XKR6: variants seen among roughly 807,000 people sequenced by gnomAD.
XKR6 encodes XK-related protein 6.
Under a neutral mutation model 56.7 loss-of-function variants are expected in XKR6, and 22 were observed. The ratio of observed to expected loss-of-function variants is 0.39; its 90% CI spans 0.28 to 0.55. The LOEUF is 0.55. Among genes scored for constraint, XKR6 ranks in the 20% least tolerant of loss-of-function variants. The probability of loss-of-function intolerance (pLI) is 0.66; values close to 1 mark genes in which losing one functional copy is unlikely to be tolerated. For missense variants in XKR6, 852 were observed against 889.0 expected (o/e 0.96, Z 0.53); for synonymous variants, 524 against 387.8 (o/e 1.35, Z -4.13).
intron 1 of XKR6, among the ~76,000 whole-genome samples, chr8:11,069,082 CAGCA>C (rs771894276): frequency 2.6e-5 from 4 of 152,072 alleles, no homozygotes; most frequent in Non-Finnish European, 2.9e-5. Flanking sequence ...CTTGCCCCAT[CAGCA>C]GAGCTGAGAC....
chr8:10,910,881 G>A (rs1301002194), intron 2 of XKR6, among the ~76,000 whole-genome samples: 3 of 152,224 alleles, frequency 2.0e-5, no homozygotes, highest in East Asian at 1.9e-4. Context: ...GCTCAAGGGT[G>A]CCTGGATCCT....
At chr8:11,173,221 G>C (rs1802467777) in intron 1 of XKR6, among the ~76,000 whole-genome samples, 1 of 151,332 alleles carries the variant, frequency 6.6e-6, no homozygotes, top group Non-Finnish European at 1.5e-5. Flanking sequence ...GCGGGCGCCT[G>C]TATTCCCAGC....
chr8:11,002,423 C>A, intron 1 of XKR6: 1 of 405,820 alleles, frequency 2.5e-6, no homozygotes, highest in East Asian at 9.4e-5. Context: ...GGCCCGCGTG[C>A]AGCAGTACAC....
Position 11,033,004 on chromosome 8 carries a change from G to C in XKR6, c.765-108174C>G, listed in dbSNP as rs199692512. ...TGGTGATGGTTGTGATGATGAAAACGATGATCAGGATGGTAAGGATGATGA... is the reference window on the plus strand; with the variant it reads ...TGGTGATGGTTGTGATGATGAAAACCATGATCAGGATGGTAAGGATGATGA... On this transcript the variant is annotated intron_variant, in intron 1 of 2. Transcript: ENST00000416569. 1.1e-4 allele frequency among the ~76,000 whole-genome samples: 16 copies of C among 152,248 alleles called. 1 individual carries two copies. In the East Asian group the frequency reaches 2.9e-3, roughly 28 times the overall value.
chr8:11,138,985 T>C (rs904052663), intron 1 of XKR6, among the ~76,000 whole-genome samples: 15 of 152,020 alleles, frequency 9.9e-5, no homozygotes, highest in East Asian at 3.8e-4. Context: ...CACTAATATA[T>C]AGTTAGCTAG....
chr8:11,062,892 G>A (rs749733129), intron 1 of XKR6: 4 of 455,070 alleles, frequency 8.8e-6, no homozygotes, highest in East Asian at 7.0e-5. Context: ...TCCAGACGTC[G>A]TACTGAAATT....
chr8:11,037,382 C>T (rs1563361183), intron 1 of XKR6, among the ~76,000 whole-genome samples: 1 of 152,286 alleles, frequency 6.6e-6, no homozygotes, highest in South Asian at 2.1e-4. Flanking sequence ...CACATCACCA[C>T]GACTGGCTAA....
chr8:11,086,979 T>G (rs1255806620), intron 1 of XKR6, among the ~76,000 whole-genome samples: 1 of 152,208 alleles, frequency 6.6e-6, no homozygotes, highest in Non-Finnish European at 1.5e-5. Context: ...TCTCGGAAGC[T>G]GAGATGGGCC....
At chr8:11,086,148 A>ATATATTTT (rs71203369) in intron 1 of XKR6, among the ~76,000 whole-genome samples, 68 of 120,742 alleles carry the variant, frequency 5.6e-4, no homozygotes, top group African/African-American at 2.3e-3. Flanking sequence ...ATATATATAT[A>ATATATTTT]TTTTTTTTTA....
chr8:11,163,923 C>T (rs1295902482), intron 1 of XKR6, among the ~76,000 whole-genome samples: 1 of 152,060 alleles, frequency 6.6e-6, no homozygotes, highest in Non-Finnish European at 1.5e-5. Flanking sequence ...ACATGCAGGC[C>T]AAAAGTAGAG....
chr8:10,901,785 G>C (rs2129107164), intron 2 of XKR6, among the ~76,000 whole-genome samples: 1 of 152,340 alleles, frequency 6.6e-6, no homozygotes, highest in South Asian at 2.1e-4. Flanking sequence ...GGCCTGGTCA[G>C]ATCCAGTCCA....
intron 1 of XKR6, among the ~76,000 whole-genome samples, chr8:11,133,405 A>T (rs115483261): frequency 1.9e-3 from 283 of 152,252 alleles, no homozygotes; most frequent in African/African-American, 6.6e-3. Flanking sequence ...GGGGCACAGC[A>T]TGTGAACAAT....
intron 1 of XKR6, among the ~76,000 whole-genome samples, chr8:11,017,710 C>T (rs1044350866): frequency 2.6e-5 from 4 of 152,198 alleles, no homozygotes; most frequent in African/African-American, 7.2e-5. Context: ...ACGAGAGGGG[C>T]AGGCATTTGA....
intron 1 of XKR6, among the ~76,000 whole-genome samples, chr8:11,173,399 A>G (rs1198327020): frequency 1.3e-5 from 2 of 150,052 alleles, no homozygotes; most frequent in East Asian, 1.9e-4. Flanking sequence ...ATATATATAC[A>G]TATATATATA....
intron 1 of XKR6, among the ~76,000 whole-genome samples, chr8:11,190,249 AG>A (rs1803501967): frequency 1.3e-5 from 2 of 151,558 alleles, no homozygotes; most frequent in African/African-American, 4.9e-5. Context: ...AAAAAAGAAA[AG>A]AAAAGAAAGG....
rs531730500 is a variant in XKR6 at position 10,971,353 on chromosome 8, G to A, written c.765-46523C>T. On this transcript the variant is annotated intron_variant, in intron 1 of 2. Coordinates refer to ENST00000416569, the MANE Select transcript of XKR6 (RefSeq NM_173683.4). ...GGAGAATGGCGTGAACCCAGGAGGC[G>A]GAGCTTGCAGTGAGCCAAGATCGCA... Among the ~76,000 whole-genome samples the A allele has an allele frequency of 1.1e-4, 17 of 152,060 alleles. No homozygotes were observed. In the East Asian group the frequency reaches 1.4e-3, roughly 12 times the overall value.
intron 1 of XKR6, among the ~76,000 whole-genome samples, chr8:11,191,474 T>C (rs189957929): frequency 1.4e-4 from 22 of 152,192 alleles, no homozygotes; most frequent in African/African-American, 4.1e-4. Context: ...GCATCACTAA[T>C]AGTGGGACAA....
chr8:11,123,329 A>G (rs1799551013), intron 1 of XKR6: 1 of 152,338 alleles, frequency 6.6e-6, no homozygotes, highest in Non-Finnish European at 1.5e-5. Context: ...GCCAACAACA[A>G]TCTGGTTATG....
chr8:10,911,320 A>G (rs1800355706), intron 2 of XKR6, among the ~76,000 whole-genome samples: 1 of 114,448 alleles, frequency 8.7e-6, no homozygotes, highest in African/African-American at 3.6e-5. Flanking sequence ...AGAGAGGGTG[A>G]GTATATATAT....
Sources: allele counts gnomAD v4.1 joint callset (sites outside exome capture counted in the v4.1 genomes callset), GRCh38; gene constraint gnomAD v4.1.1; transcripts MANE v1.5; gene names NCBI Gene and HGNC (gene_info 2026-07-23, HGNC 2026-07-21).